The following CYP11B2 variants were observed in gnomAD, a reference collection of about 807,000 sequenced individuals.
CYP11B2 encodes cytochrome P450 11B2, mitochondrial.
A neutral mutation model predicts 49.3 loss-of-function variants in CYP11B2; 38 were observed. The ratio of observed to expected loss-of-function variants is 0.77; its 90% CI spans 0.59 to 1.01. The LOEUF (loss-of-function observed/expected upper bound fraction) is 1.01. Among genes scored for constraint, CYP11B2 ranks in the 50% least tolerant of loss-of-function variants. The pLI, the probability that CYP11B2 is intolerant of heterozygous loss-of-function variation, is 0.00. For missense variants in CYP11B2, 669 were observed against 655.5 expected (o/e 1.02, Z -0.23); for synonymous variants, 290 against 269.3 (o/e 1.08, Z -0.75).
rs747099720 is a variant in CYP11B2, at chr8:142,912,496, C to T, written c.1398+34G>A. 3.7e-6 allele frequency: 6 copies of T among 1,603,372 alleles called. No individual in the cohort carries two copies. The South Asian group carries it at 6.6e-5, about 18-fold the overall frequency. On this transcript the variant is annotated intron_variant, in intron 8 of 8. Transcript: ENST00000323110. ...CAGTGTGCAGGTCCCGCCTCTGCTG[C>T]CCAGGTCCCGCCCCCGCCCCCAGGC...
rs1311906091 is a variant in CYP11B2, at chr8:142,911,649, C to G, written c.*331G>C. On this transcript the variant is annotated 3_prime_UTR_variant, in exon 9 of 9. Transcript: ENST00000323110. ...AGGCAAGGGACAAAATCACAGCACCCTTGCATGGCCTCATGAGGAGCCTGG... is the reference window on the plus strand; with the variant it reads ...AGGCAAGGGACAAAATCACAGCACCGTTGCATGGCCTCATGAGGAGCCTGG... 2 of 379,274 alleles carry G rather than the reference C, an allele frequency of 5.3e-6. No homozygotes were observed. The highest frequency in any genetic ancestry group is 1.1e-4 in the East Asian group (2 of 17,454). 23.5% of individuals were successfully genotyped at this position (379,274 alleles called of 1,614,324 possible).
In CYP11B2 at chr8:142,917,234, G is replaced by A. The variant is rs538500712; in HGVS notation, c.240-20C>T. 3.3e-5 allele frequency: 54 copies of A among 1,612,944 alleles called. 1 individual carries two copies. In the South Asian group the frequency reaches 5.4e-4, roughly 16 times the overall value. ...TTGTACCTGTGGGGCCAAGCAGGAG[G>A]CCCTGCTGGACGGGGTCATGTCCCT... On this transcript the variant is annotated intron_variant, in intron 1 of 8. Transcript: ENST00000323110.
chr8:142,911,985 T>C lies in CYP11B2; in HGVS notation c.1507A>G (p.Asn503Asp). The C allele has an allele frequency of 1.9e-6, 3 of 1,613,902 alleles. No homozygotes were observed. The highest frequency in any genetic ancestry group is 2.5e-6 in the Non-Finnish European group (3 of 1,179,918). ...CCCTGGGTGCAGATGCAAGACTAGT[T>C]AATCGCTCTGAAAGTGAGGAGGGGG... The part of the protein sequence containing the change: ...TSPLLTFRAI[N>D] The change falls in exon 9 of 9, where the codon AAC (asparagine) becomes GAC (aspartate). Residue 503 changes from asparagine (N) to aspartate (D), a missense_variant. By Grantham distance (23) the Asn-to-Asp change is conservative (BLOSUM62 1). Transcript: ENST00000323110.
chr8:142,914,339 G>C lies in CYP11B2; in HGVS notation c.879C>G (p.Leu293=), dbSNP rs756402357. Residue 293 remains leucine (L), a synonymous_variant, in exon 5 of 9, where the codon CTC becomes CTG. Transcript: ENST00000323110. Reference sequence around the variant, plus strand: ...CTAGTGACAGTTCCGCCTTCAACAGGAGCTCCGCCACGATGCCTGTGTAGT... The same window carrying C: ...CTAGTGACAGTTCCGCCTTCAACAGCAGCTCCGCCACGATGCCTGTGTAGT... The part of the protein sequence containing the change: ...PQHYTGIVAE[L]LLKAELSLEA... 3 of 1,613,678 alleles carry C rather than the reference G, an allele frequency of 1.9e-6. No individual in the cohort carries two copies. In the African/African-American group the frequency reaches 4.0e-5, roughly 22 times the overall value.
intron 2 of CYP11B2, among the ~76,000 whole-genome samples, chr8:142,916,106 C>T (rs1817640608): frequency 6.6e-6 from 1 of 152,244 alleles, no homozygotes; most frequent in South Asian, 2.1e-4. Flanking sequence ...GCACACACTA[C>T]ACATGTGCAA....
At chr8:142,915,756 C>T (rs1428819875) in intron 2 of CYP11B2, among the ~76,000 whole-genome samples, 2 of 140,420 alleles carry the variant, frequency 1.4e-5, no homozygotes, top group African/African-American at 4.9e-5. Context: ...TTCTGCAGGA[C>T]AGAAACCAAG....
chr8:142,912,245 C>A (rs1235267019), intron 8 of CYP11B2, 152 bp from the exon 9 acceptor site: 2 of 1,397,226 alleles, frequency 1.4e-6, no homozygotes, highest in African/African-American at 2.8e-5. Flanking sequence ...CCCCACCTTA[C>A]GGACCAGGCC....
chr8:142,916,389 C>G (rs1005931936), intron 2 of CYP11B2: 3 of 456,464 alleles, frequency 6.6e-6, no homozygotes, highest in Non-Finnish European at 1.3e-5. Flanking sequence ...CAGTCCTTCC[C>G]CCGTCCTAAT....
At chr8:142,917,279 C>G in intron 1 of CYP11B2, 65 bp from the exon 2 acceptor site, 1 of 1,568,110 alleles carries the variant, frequency 6.4e-7, no homozygotes, top group Non-Finnish European at 8.8e-7. Flanking sequence ...ACCCTGCAGT[C>G]CCAATCCAAA....
chr8:142,912,424 C>T, intron 8 of CYP11B2, 106 bp downstream of exon 8: 1 of 1,265,496 alleles, frequency 7.9e-7, no homozygotes. Context: ...AACCAAGGCC[C>T]CATCCACTGT....
rs1479103120 is a variant in CYP11B2, at chr8:142,916,283, G to A, written c.395+776C>T. The A allele has an allele frequency of 3.5e-5, 14 of 395,882 alleles. No homozygotes were observed. The East Asian group carries it at 5.7e-4, about 16-fold the overall frequency. 24.5% of individuals were successfully genotyped at this position (395,882 alleles called of 1,614,324 possible). On this transcript the variant is annotated intron_variant, in intron 2 of 8. Coordinates refer to ENST00000323110, the MANE Select transcript of CYP11B2 (RefSeq NM_000498.3). The stretch of plus-strand genomic sequence containing the variant: ...ATAGGCCAGCCTCAGTGAAGGCCCC[G>A]ACCCACGGGTGCCCTTTTACCTAAA...
chr8:142,916,914 C>G, intron 2 of CYP11B2, 145 bp downstream of exon 2: 4 of 1,305,826 alleles, frequency 3.1e-6, no homozygotes, highest in African/African-American at 1.5e-5. Context: ...ACAGGATGGC[C>G]GTCCTCTGGG....
intron 8 of CYP11B2, 147 bp from the exon 9 acceptor site, chr8:142,912,240 C>T (rs1474894217): frequency 1.9e-5 from 27 of 1,421,228 alleles, no homozygotes; most frequent in African/African-American, 8.5e-5. Flanking sequence ...ACCAGCCCCA[C>T]CTTACGGACC....
In CYP11B2 at chr8:142,914,700, C is replaced by T; in HGVS notation, c.799+5G>A. Reference sequence around the variant, plus strand: ...CCATAGCACTGCCCGGGTCCCTGGCCTCACCGTACTGGAAGATGCAGTCCC... The same window carrying T: ...CCATAGCACTGCCCGGGTCCCTGGCTTCACCGTACTGGAAGATGCAGTCCC... On this transcript the variant is annotated splice_donor_5th_base_variant and intron_variant, in intron 4 of 8. Transcript: ENST00000323110. The T allele has an allele frequency of 6.3e-7, 1 of 1,599,380 alleles. No homozygotes were observed. The highest frequency in any genetic ancestry group is 2.3e-5 in the East Asian group (1 of 44,156).
intron 2 of CYP11B2, among the ~76,000 whole-genome samples, chr8:142,915,857 T>G (rs1400881418): frequency 6.6e-6 from 1 of 152,168 alleles, no homozygotes; most frequent in African/African-American, 2.4e-5. Context: ...ATTTCCCCTG[T>G]CAGCCACATT....
Position 142,912,550 on chromosome 8 carries a change from T to C in CYP11B2, c.1378A>G (p.Met460Val). ...CTTACGTGGTGCAGCAGCAGCAGCA[T>C]CTCTGCCTCTGCCAGGCGCCGCCCG... ...CLGRRLAEAE[M>V]LLLLHHVLKH... Residue 460 changes from methionine to valine, a missense_variant, in exon 8 of 9, where the codon ATG becomes GTG. Transcript: ENST00000323110. 6.5e-7 allele frequency: 1 copy of C among 1,545,244 alleles called. No individual in the cohort carries two copies. Among genetic ancestry groups the C allele is most frequent in the South Asian group, 1.1e-5 (1 of 89,596 alleles).
At chr8:142,912,410 A>T in intron 8 of CYP11B2, 120 bp downstream of exon 8, 1 of 1,190,792 alleles carries the variant, frequency 8.4e-7, no homozygotes, top group Non-Finnish European at 1.2e-6. Context: ...CGCCGACCTC[A>T]ACCAACCAAG....
At chr8:142,912,498 C>CCGGG in intron 8 of CYP11B2, 32 bp downstream of exon 8, 2 of 1,603,490 alleles carry the variant, frequency 1.2e-6, no homozygotes, top group Non-Finnish European at 1.7e-6. Context: ...CTCTGCTGCC[C>CCGGG]AGGTCCCGCC....
rs773983994 is a variant in CYP11B2 at position 142,914,726 on chromosome 8, A to G, written c.778T>C (p.Trp260Arg). The G allele has an allele frequency of 2.5e-6, 4 of 1,611,430 alleles. No individual in the cohort carries two copies. The highest frequency in any genetic ancestry group is 1.1e-5 in the South Asian group (1 of 90,466). The change falls in exon 4 of 9, where the codon TGG becomes CGG. Residue 260 changes from tryptophan to arginine, a missense_variant. Physicochemically the swap from Trp to Arg is moderately radical, Grantham distance 101. Transcript: ENST00000323110. ...PKVWKEHFEA[W>R]DCIFQYGDNC... ...TCACCGTACTGGAAGATGCAGTCCC[A>G]GGCCTCAAAGTGCTCCTTCCACACC...
Sources: allele counts gnomAD v4.1 joint callset (sites outside exome capture counted in the v4.1 genomes callset), GRCh38; gene constraint gnomAD v4.1.1; transcripts MANE v1.5; gene names NCBI Gene and HGNC (gene_info 2026-07-23, HGNC 2026-07-21).